COMMD1: variants seen among roughly 807,000 people sequenced by gnomAD.
COMMD1 encodes the protein copper metabolism domain containing 1, also known as COMM domain-containing protein 1.
COMMD1 carries 10 observed loss-of-function variants against 17.2 expected under a neutral mutation model. The observed-to-expected ratio is 0.58, with a 90% CI of 0.36 to 0.99. COMMD1 has a LOEUF of 0.99. Among genes scored for constraint, COMMD1 ranks in the 50% least tolerant of loss-of-function variants. The pLI, the probability that COMMD1 is intolerant of heterozygous loss-of-function variation, is 0.01. For synonymous variants in COMMD1, 97 were observed against 91.6 expected, an observed-to-expected ratio of 1.06 and a Z score of -0.34; for missense variants, 270 against 231.8, an observed-to-expected ratio of 1.17 and a Z score of -1.07.
At chr2:61,968,563 G>A (rs1183482855) in intron 1 of COMMD1, among the ~76,000 whole-genome samples, 3 of 147,522 alleles carry the variant, frequency 2.0e-5, no homozygotes, top group African/African-American at 7.4e-5. Flanking sequence ...TCCTTTTCTT[G>A]ATGGAGGGGA....
At chr2:62,114,899 C>G (rs539423319) in intron 2 of COMMD1, among the ~76,000 whole-genome samples, 2 of 152,310 alleles carry the variant, frequency 1.3e-5, no homozygotes, top group East Asian at 3.9e-4. Flanking sequence ...AGCGAGGTTC[C>G]TTGGTCAGAC....
At chr2:62,002,881 A>G (rs1264856654) in intron 2 of COMMD1, among the ~76,000 whole-genome samples, 2 of 152,066 alleles carry the variant, frequency 1.3e-5, no homozygotes, top group East Asian at 1.9e-4. Context: ...AATACCTTTT[A>G]TTCAGTTATT....
chr2:62,071,221 A>G (rs1671191188), intron 2 of COMMD1, among the ~76,000 whole-genome samples: 1 of 152,106 alleles, frequency 6.6e-6, no homozygotes, highest in African/African-American at 2.4e-5. Context: ...ATAGATGGTA[A>G]TTTCCTGACG....
chr2:61,973,664 C>T (rs1448443480), intron 1 of COMMD1, among the ~76,000 whole-genome samples: 1 of 152,052 alleles, frequency 6.6e-6, no homozygotes, highest in Non-Finnish European at 1.5e-5. Context: ...AGTAGTATGT[C>T]AGTATGTAAT....
chr2:62,129,425 AT>A (rs1672966294), intron 2 of COMMD1, among the ~76,000 whole-genome samples: 1 of 152,154 alleles, frequency 6.6e-6, no homozygotes, highest in African/African-American at 2.4e-5. Context: ...AAAATATAAA[AT>A]TTTAATTGGG....
At chr2:61,931,162 A>G (rs1315151072) in intron 1 of COMMD1, among the ~76,000 whole-genome samples, 3 of 151,880 alleles carry the variant, frequency 2.0e-5, no homozygotes, top group Non-Finnish European at 1.5e-5. Flanking sequence ...AAATAGAAAA[A>G]TTAGCCGGGT....
chr2:61,964,616 C>T (rs1382713675), intron 1 of COMMD1, among the ~76,000 whole-genome samples: 6 of 151,982 alleles, frequency 3.9e-5, no homozygotes, highest in African/African-American at 1.2e-4. Flanking sequence ...GGGCAGATCA[C>T]GAGGTTAGGA....
intron 1 of COMMD1, among the ~76,000 whole-genome samples, chr2:61,923,386 G>A (rs1670245842): frequency 6.6e-6 from 1 of 151,978 alleles, no homozygotes. Context: ...ATATACAGAT[G>A]AGGAAAACAC....
intron 1 of COMMD1, among the ~76,000 whole-genome samples, chr2:61,961,584 T>C (rs574058726): frequency 1.1e-4 from 17 of 152,346 alleles, no homozygotes; most frequent in Middle Eastern, 6.8e-3. Flanking sequence ...GTTTCCCATT[T>C]CTCACAATTC....
chr2:62,011,659 A>G (rs766291646), intron 2 of COMMD1, among the ~76,000 whole-genome samples: 21 of 152,198 alleles, frequency 1.4e-4, no homozygotes, highest in Non-Finnish European at 2.4e-4. Context: ...ATCAGTGAAC[A>G]ATACAGACAA....
At chr2:62,122,698 C>T in intron 2 of COMMD1, among the ~76,000 whole-genome samples, 1 of 152,196 alleles carries the variant, frequency 6.6e-6, no homozygotes, top group South Asian at 2.1e-4. Context: ...AATACATGTT[C>T]CTTTTGACCA....
At chr2:62,065,828 A>G (rs1671023231) in intron 2 of COMMD1, among the ~76,000 whole-genome samples, 1 of 152,224 alleles carries the variant, frequency 6.6e-6, no homozygotes, top group Non-Finnish European at 1.5e-5. Context: ...GTAATTTAGG[A>G]GGAACCATTT....
At chr2:62,061,383 C>CCCT (rs773531946) in intron 2 of COMMD1, among the ~76,000 whole-genome samples, 3 of 152,146 alleles carry the variant, frequency 2.0e-5, no homozygotes, top group Non-Finnish European at 2.9e-5. Context: ...TAACACCAGC[C>CCCT]CCTCTCTTGC....
upstream of COMMD1, among the ~76,000 whole-genome samples, chr2:61,900,672 C>T (rs1394389245): frequency 6.6e-6 from 1 of 152,090 alleles, no homozygotes. Flanking sequence ...CTGGGGTCCC[C>T]TTGGCCAAGA....
intron 1 of COMMD1, among the ~76,000 whole-genome samples, chr2:61,982,693 A>T (rs113749557): frequency 6.6e-6 from 1 of 152,176 alleles, no homozygotes; most frequent in African/African-American, 2.4e-5. Context: ...TTCAGTTAGC[A>T]CTAGCCATCT....
chr2:61,969,981 G>C (rs1244685213), intron 1 of COMMD1, among the ~76,000 whole-genome samples: 1 of 152,016 alleles, frequency 6.6e-6, no homozygotes, highest in Non-Finnish European at 1.5e-5. Flanking sequence ...ATAGCGCTGG[G>C]CACAGTGGCT....
intron 2 of COMMD1, among the ~76,000 whole-genome samples, chr2:62,087,296 G>A (rs1671697904): frequency 6.6e-6 from 1 of 152,146 alleles, no homozygotes. Flanking sequence ...GGGTCACATG[G>A]CTGCTTCAGG....
intron 1 of COMMD1, among the ~76,000 whole-genome samples, chr2:61,917,143 C>T (rs1014963498): frequency 1.3e-5 from 2 of 151,956 alleles, no homozygotes; most frequent in Non-Finnish European, 2.9e-5. Flanking sequence ...CACTTGAGGT[C>T]AGGAGTTTGA....
chr2:62,072,321 C>T (rs1296348405), intron 2 of COMMD1, among the ~76,000 whole-genome samples: 1 of 152,052 alleles, frequency 6.6e-6, no homozygotes, highest in African/African-American at 2.4e-5. Flanking sequence ...TTTAACCAAT[C>T]AAATGGTGCT....
Sources: gnomAD v4.1 joint callset for allele counts (sites outside exome capture counted in the v4.1 genomes callset) on GRCh38, gnomAD v4.1.1 for gene constraint, MANE v1.5 for transcripts, NCBI Gene and HGNC (gene_info 2026-07-23, HGNC 2026-07-21) for gene names.